CECR2: variants seen among roughly 807,000 people sequenced by gnomAD.
CECR2 encodes chromatin remodeling regulator CECR2.
CECR2 carries 30 observed loss-of-function variants against 154.5 expected under a neutral mutation model. The observed-to-expected ratio is 0.19, with a 90% CI of 0.15 to 0.26. The LOEUF (loss-of-function observed/expected upper bound fraction) is 0.26. Among genes scored for constraint, CECR2 ranks in the 10% least tolerant of loss-of-function variants. CECR2 has a pLI of 1.00. For missense variants in CECR2, 1,743 were observed against 1,829.3 expected (o/e 0.95, Z 0.86); for synonymous variants, 725 against 683.7 (o/e 1.06, Z -0.94).
At chr22:17,534,048 G>A (rs1024120511) in intron 9 of CECR2, among the ~76,000 whole-genome samples, 4 of 152,070 alleles carry the variant, frequency 2.6e-5, no homozygotes, top group East Asian at 1.9e-4. Flanking sequence ...AAAACAATAC[G>A]ATAGGGTCAA....
chr22:17,482,281 G>C (rs925148447), intron 2 of CECR2, among the ~76,000 whole-genome samples: 1 of 150,840 alleles, frequency 6.6e-6, no homozygotes, highest in African/African-American at 2.4e-5. Context: ...AAAATTAGCC[G>C]GGCGTGGTGG....
At chr22:17,456,533 T>C (rs2054857078) in intron 1 of CECR2, among the ~76,000 whole-genome samples, 1 of 152,244 alleles carries the variant, frequency 6.6e-6, no homozygotes, top group African/African-American at 2.4e-5. Context: ...GTAGTAACTG[T>C]TTATTCCACA....
At chr22:17,487,471 G>C (rs143551589) in intron 2 of CECR2, among the ~76,000 whole-genome samples, 2 of 152,024 alleles carry the variant, frequency 1.3e-5, no homozygotes, top group South Asian at 2.1e-4. Context: ...AGGCCGAGGC[G>C]GGTGGATCAC....
At chr22:17,367,296 G>A (rs2063007263), upstream of CECR2, among the ~76,000 whole-genome samples, 1 of 152,150 alleles carries the variant, frequency 6.6e-6, no homozygotes, top group South Asian at 2.1e-4. Flanking sequence ...ATATTACTAG[G>A]CTGGCTAGTG....
intron 1 of CECR2, among the ~76,000 whole-genome samples, chr22:17,375,054 A>T (rs112915049): frequency 0.023 from 3,525 of 152,254 alleles, 74 homozygotes; most frequent in South Asian, 0.056. Context: ...AGATCTTTTT[A>T]AAAAACTTCT....
upstream of CECR2, among the ~76,000 whole-genome samples, chr22:17,366,935 T>C (rs2146424679): frequency 6.6e-6 from 1 of 152,168 alleles, no homozygotes; most frequent in South Asian, 2.1e-4. Context: ...GGGAAAAAAC[T>C]GTAGAGACAA....
rs140396903 is a variant in CECR2, at chr22:17,553,611, T to C, written c.*771T>C. On this transcript the variant is annotated 3_prime_UTR_variant, in exon 19 of 19. Coordinates refer to ENST00000262608, the MANE Select transcript of CECR2 (RefSeq NM_001290047.2). ...GTCCCCTAAGCACCTGGTGTCTCCA[T>C]TGGAGGCAGACTGCTCTCAGGAGAC... 177 of 152,320 alleles carry C rather than the reference T, an allele frequency of 1.2e-3. No individual in the cohort carries two copies. Among genetic ancestry groups the C allele is most frequent in the African/African-American group, 4.2e-3 (173 of 41,566 alleles). 9.4% of individuals were successfully genotyped at this position (152,320 alleles called of 1,614,324 possible). A position where few individuals can be genotyped will look rare whatever the true frequency, so the allele number is the denominator to read the frequency against.
chr22:17,402,840 C>T (rs1390870731), intron 1 of CECR2, among the ~76,000 whole-genome samples: 9 of 151,448 alleles, frequency 5.9e-5, no homozygotes, highest in African/African-American at 2.2e-4. Context: ...TCACTGCAAC[C>T]TCCGCCTCCC....
rs1244335268 is a variant in CECR2, at chr22:17,409,634, C to T, written c.126+39725C>T. Among the ~76,000 whole-genome samples the T allele has an allele frequency of 1.8e-5, 2 of 112,022 alleles. 1 individual carries two copies. The highest frequency in any genetic ancestry group is 4.3e-5 in the Non-Finnish European group (2 of 46,830). 73.5% of individuals were successfully genotyped at this position (112,022 alleles called of 152,430 possible). The stretch of plus-strand genomic sequence containing the variant: ...ATGATCACCCAGTGAAAAGTATATC[C>T]TCGCCTCTCTTCCCAACCCAGTCAA... On this transcript the variant is annotated intron_variant, in intron 1 of 18. Transcript: ENST00000262608.
At chr22:17,495,745 C>T (rs1376028281) in intron 2 of CECR2, among the ~76,000 whole-genome samples, 3 of 151,126 alleles carry the variant, frequency 2.0e-5, no homozygotes, top group African/African-American at 7.3e-5. Context: ...GCCTGTAGTC[C>T]CAGCTACTCG....
intron 1 of CECR2, among the ~76,000 whole-genome samples, chr22:17,469,795 C>T (rs1370461321): frequency 6.6e-6 from 1 of 152,184 alleles, no homozygotes; most frequent in Non-Finnish European, 1.5e-5. Context: ...TGCTGTTGCC[C>T]TCTTCTCTTG....
chr22:17,512,694 T>G (rs2055979105), intron 8 of CECR2, among the ~76,000 whole-genome samples: 1 of 133,024 alleles, frequency 7.5e-6, no homozygotes, highest in Non-Finnish European at 1.6e-5. Context: ...CTTCAGAGTT[T>G]CACTCTGTCT....
At chr22:17,475,413 G>A (rs2055192866) in intron 1 of CECR2, among the ~76,000 whole-genome samples, 2 of 152,100 alleles carry the variant, frequency 1.3e-5, no homozygotes, top group Non-Finnish European at 2.9e-5. Context: ...TAGTGCCCTT[G>A]GAGAAGCCAG....
At chr22:17,389,327 C>A (rs993326273) in intron 1 of CECR2, among the ~76,000 whole-genome samples, 1 of 152,070 alleles carries the variant, frequency 6.6e-6, no homozygotes, top group African/African-American at 2.4e-5. Context: ...TGGTACCATT[C>A]TCTTCTGTCT....
chr22:17,425,895 T>C (rs1313090360), intron 1 of CECR2, among the ~76,000 whole-genome samples: 1 of 152,132 alleles, frequency 6.6e-6, no homozygotes, highest in Non-Finnish European at 1.5e-5. Flanking sequence ...CTACAGAAAT[T>C]GGTGAATAGT....
At chr22:17,467,638 C>T (rs142589047) in intron 1 of CECR2, among the ~76,000 whole-genome samples, 332 of 152,118 alleles carry the variant, frequency 2.2e-3, no homozygotes, top group African/African-American at 7.5e-3. Flanking sequence ...AAAAATTAGT[C>T]GGGCATGGTG....
chr22:17,495,009 AT>A (rs2055598015), intron 2 of CECR2, among the ~76,000 whole-genome samples: 1 of 152,056 alleles, frequency 6.6e-6, no homozygotes, highest in South Asian at 2.1e-4. Flanking sequence ...TTAATTTCTT[AT>A]TTGCCTAAGC....
chr22:17,446,702 C>T (rs976761989), intron 1 of CECR2, among the ~76,000 whole-genome samples: 6 of 151,910 alleles, frequency 3.9e-5, no homozygotes, highest in Middle Eastern at 3.4e-3. Flanking sequence ...GGTGACAGAG[C>T]GAGACTTTGT....
intron 1 of CECR2, among the ~76,000 whole-genome samples, chr22:17,476,284 A>G (rs540484592): frequency 1.3e-5 from 2 of 151,634 alleles, no homozygotes; most frequent in Admixed American, 1.3e-4. Context: ...TGTTTGTTTG[A>G]GACAGTGTCT....
Sources: allele counts gnomAD v4.1 joint callset (sites outside exome capture counted in the v4.1 genomes callset), GRCh38; gene constraint gnomAD v4.1.1; transcripts MANE v1.5; gene names NCBI Gene and HGNC (gene_info 2026-07-23, HGNC 2026-07-21).